SLC22A7: variants seen among roughly 807,000 people sequenced by gnomAD.
SLC22A7 encodes the protein hOAT2.
In SLC22A7, 48 loss-of-function variants were observed where a neutral mutation model predicts 62.2. That is an observed-to-expected ratio of 0.77 (90% CI 0.61 to 0.98). The LOEUF is 0.98. Among genes scored for constraint, SLC22A7 ranks in the 50% least tolerant of loss-of-function variants. SLC22A7 has a pLI of 0.00. For missense variants in SLC22A7, 581 were observed against 703.8 expected (o/e 0.83, Z 1.97); for synonymous variants, 276 against 314.8 (o/e 0.88, Z 1.30).
chr6:43,303,484 A>AAAT (rs57761051), intron 9 of SLC22A7, among the ~76,000 whole-genome samples: 13,918 of 147,830 alleles, frequency 0.094, 916 homozygotes, highest in African/African-American at 0.19. Context: ...GAAAAAAATT[A>AAAT]AATAATAATA....
chr6:43,304,612 C>A (rs1049790677), intron 10 of SLC22A7, 59 bp from the exon 11 acceptor site: 33 of 1,502,904 alleles, frequency 2.2e-5, no homozygotes, highest in Admixed American at 2.1e-4. Context: ...ATGGGGCAGG[C>A]TGGGGTGGTA....
Position 43,302,154 on chromosome 6 carries a change from G to A in SLC22A7, c.1062-46G>A, listed in dbSNP as rs1474231647. The A allele has an allele frequency of 1.3e-6, 2 of 1,489,508 alleles. No individual in the cohort carries two copies. Among genetic ancestry groups the A allele is most frequent in the Non-Finnish European group, 1.8e-6 (2 of 1,096,510 alleles). 92.3% of individuals were successfully genotyped at this position (1,489,508 alleles called of 1,614,324 possible). ...TCTTCCTGAGAAGAGAGGCCAAAGAGGGATGGGAAGGAGGGTCCGCCAAGT... is the reference window on the plus strand; with the variant it reads ...TCTTCCTGAGAAGAGAGGCCAAAGAAGGATGGGAAGGAGGGTCCGCCAAGT... On this transcript the variant is annotated intron_variant, in intron 7 of 10. Coordinates refer to ENST00000372585, the MANE Select transcript of SLC22A7 (RefSeq NM_153320.2). The surrounding 1 kb of genome is among the most constrained non-coding windows in gnomAD (Gnocchi z 5.0).
Position 43,299,325 on chromosome 6 carries a change from G to A in SLC22A7, c.400-65G>A. The A allele has an allele frequency of 6.2e-7, 1 of 1,609,712 alleles. No homozygotes were observed. The highest frequency in any genetic ancestry group is 8.5e-7 in the Non-Finnish European group (1 of 1,177,570). ...AGAAGGCTCCAGGGTCTGGAGAGGA[G>A]GAGCTGGTGCCTGCTGGAGAGGGGC... is the stretch of plus-strand genomic sequence containing the variant. On this transcript the variant is annotated intron_variant, in intron 2 of 10. Coordinates refer to ENST00000372585, the MANE Select transcript of SLC22A7 (RefSeq NM_153320.2). This position sits in a 1 kb window ranked among gnomAD's most constrained non-coding sequence, Gnocchi z 4.4.
At position 43,298,536 on chromosome 6, in the gene SLC22A7, C is replaced by G. The variant is rs1249300326; in HGVS notation, c.178C>G (p.His60Asp). Residue 60 changes from histidine to aspartate, a missense_variant, in exon 1 of 11, where the codon CAT (histidine) becomes GAT (aspartate). Coordinates refer to ENST00000372585, the MANE Select transcript of SLC22A7 (RefSeq NM_153320.2). ...ALPGAPANFS[H>D]QDVWLEAHLP... Reference sequence around the variant, plus strand: ...GCCGGGTGCCCCTGCCAACTTCAGCCATCAGGATGTGTGGCTGGAGGCCCA... The same window carrying G: ...GCCGGGTGCCCCTGCCAACTTCAGCGATCAGGATGTGTGGCTGGAGGCCCA... 1.2e-6 allele frequency: 2 copies of G among 1,613,678 alleles called. No homozygotes were observed. Among genetic ancestry groups the G allele is most frequent in the Non-Finnish European group, 1.7e-6 (2 of 1,180,046 alleles).
chr6:43,301,293 G>C (rs201070787), intron 6 of SLC22A7, 35 bp downstream of exon 6: 401 of 1,612,380 alleles, frequency 2.5e-4, no homozygotes, highest in Non-Finnish European at 3.0e-4. Flanking sequence ...ATGCATATAT[G>C]TGTGTGGTGG....
upstream of SLC22A7, among the ~76,000 whole-genome samples, chr6:43,296,170 G>T (rs1213825578): frequency 2.6e-5 from 4 of 152,228 alleles, no homozygotes; most frequent in Admixed American, 2.6e-4. Flanking sequence ...CTCCCAAAGT[G>T]CTGGGATTAC....
At position 43,299,075 on chromosome 6, in the gene SLC22A7, C is replaced by T. The variant is rs763399600; in HGVS notation, c.394-17C>T. 3.8e-6 allele frequency: 6 copies of T among 1,586,296 alleles called. No individual in the cohort carries two copies. In the African/African-American group the frequency reaches 5.4e-5, roughly 14 times the overall value. ...AGAAACAATAGAGGCCTTCTTTTCTCCCTTCCTCTTTTCCAGTCCCAGGTC... is the reference window on the plus strand; with the variant it reads ...AGAAACAATAGAGGCCTTCTTTTCTTCCTTCCTCTTTTCCAGTCCCAGGTC... On this transcript the variant is annotated splice_polypyrimidine_tract_variant and intron_variant, in intron 1 of 10. Coordinates refer to ENST00000372585, the MANE Select transcript of SLC22A7 (RefSeq NM_153320.2). The surrounding 1 kb of genome is among the most constrained non-coding windows in gnomAD (Gnocchi z 4.4).
At chr6:43,297,463 T>C, upstream of SLC22A7, among the ~76,000 whole-genome samples, 1 of 152,148 alleles carries the variant, frequency 6.6e-6, no homozygotes, top group Non-Finnish European at 1.5e-5. Context: ...GAGAATTGAG[T>C]GGGAGGGTCA....
rs1213757695 is a variant in SLC22A7 at position 43,302,315 on chromosome 6, G to A, written c.1177G>A (p.Val393Ile). The A allele has an allele frequency of 6.2e-7, 1 of 1,613,896 alleles. No individual in the cohort carries two copies. The highest frequency in any genetic ancestry group is 1.1e-5 in the South Asian group (1 of 91,068). ...GAVELPSKLL[V>I]YLSVRYAGRR... ...TGTGGAACTGCCCTCCAAGCTGCTG[G>A]TCTACTTGTCGGTGCGCTACGCAGG... Residue 393 changes from valine (V) to isoleucine (I), a missense_variant, in exon 8 of 11, where the codon GTC becomes ATC. Physicochemically the swap from Val to Ile is conservative, Grantham distance 29. Transcript: ENST00000372585. This position sits in a 1 kb window ranked among gnomAD's most constrained non-coding sequence, Gnocchi z 5.0.
At chr6:43,304,507 T>C (rs1391767404) in intron 10 of SLC22A7, 164 bp from the exon 11 acceptor site, 6 of 623,334 alleles carry the variant, frequency 9.6e-6, no homozygotes, top group East Asian at 2.9e-5. Flanking sequence ...CACTCAAGTA[T>C]GCCTACACAT....
In SLC22A7 at chr6:43,298,260, A is replaced by T; in HGVS notation, c.-99A>T. 9.2e-7 allele frequency: 1 copy of T among 1,085,968 alleles called. No homozygotes were observed. The highest frequency in any genetic ancestry group is 1.6e-5 in the South Asian group (1 of 62,016). 67.3% of individuals were successfully genotyped at this position (1,085,968 alleles called of 1,614,324 possible). ...TGGCTGCAGGCTCTCCAGTCCATCC[A>T]CTCCCACCTCCAGAGTCCAAGGGTC... On this transcript the variant is annotated 5_prime_UTR_variant, in exon 1 of 11. Coordinates refer to ENST00000372585, the MANE Select transcript of SLC22A7 (RefSeq NM_153320.2).
At position 43,305,266 on chromosome 6, in the gene SLC22A7, C is replaced by A; in HGVS notation, c.*541C>A. 1 of 176,982 alleles carries A rather than the reference C, an allele frequency of 5.7e-6. No homozygotes were observed. The highest frequency in any genetic ancestry group is 1.2e-5 in the Non-Finnish European group (1 of 85,296). 11.0% of individuals were successfully genotyped at this position (176,982 alleles called of 1,614,324 possible). A position where few individuals can be genotyped will look rare whatever the true frequency, so the allele number is the denominator to read the frequency against. ...GACTAGCATATGAGACTTCTGGTACCAATGGGGCTGGTGGGCATGCTGTCC... is the reference window on the plus strand; with the variant it reads ...GACTAGCATATGAGACTTCTGGTACAAATGGGGCTGGTGGGCATGCTGTCC... On this transcript the variant is annotated 3_prime_UTR_variant, in exon 11 of 11. Coordinates refer to ENST00000372585, the MANE Select transcript of SLC22A7 (RefSeq NM_153320.2).
At chr6:43,301,481 C>A in intron 6 of SLC22A7, 102 bp from the exon 7 acceptor site, 2 of 1,072,692 alleles carry the variant, frequency 1.9e-6, no homozygotes, top group Non-Finnish European at 2.8e-6. Flanking sequence ...ATCCCCACCA[C>A]TGCAGATGGG....
chr6:43,300,996 G>C, intron 5 of SLC22A7, 139 bp from the exon 6 acceptor site: 5 of 1,069,414 alleles, frequency 4.7e-6, no homozygotes, highest in Non-Finnish European at 6.8e-6. Context: ...AAGTGTGGAG[G>C]GCTTGGGGAG....
chr6:43,296,111 G>A (rs1475286417), upstream of SLC22A7, among the ~76,000 whole-genome samples: 2 of 152,110 alleles, frequency 1.3e-5, no homozygotes, highest in Non-Finnish European at 2.9e-5. Flanking sequence ...TGCCATGTTG[G>A]CCAGGCTGGT....
intron 9 of SLC22A7, chr6:43,303,006 A>G: frequency 1.7e-6 from 1 of 586,566 alleles, no homozygotes; most frequent in African/African-American, 2.0e-5. Flanking sequence ...GGCATGAGCC[A>G]CCGCACCCAG....
intron 10 of SLC22A7, chr6:43,304,450 A>G (rs4149178): frequency 0.18 from 103,515 of 588,666 alleles, 10,622 homozygotes; most frequent in African/African-American, 0.35. Context: ...ACATGAGTGT[A>G]TGAACACAAA....
rs533761840 is a variant in SLC22A7, at chr6:43,302,933, C to T, written c.1385+170C>T. 6.6e-6 allele frequency among the ~76,000 whole-genome samples: 1 copy of T among 152,186 alleles called. No homozygotes were observed. Among genetic ancestry groups the T allele is most frequent in the Admixed American group, 6.5e-5 (1 of 15,292 alleles). On this transcript the variant is annotated intron_variant, in intron 9 of 10. Transcript: ENST00000372585. The surrounding 1 kb of genome is among the most constrained non-coding windows in gnomAD (Gnocchi z 5.0). ...TATTACCCAGACTGGTCTCAAACTC[C>T]TGGTCTCAAGCGATCCTCCCGCCTC...
In SLC22A7 at chr6:43,298,430, G is replaced by T. The variant is rs754150144; in HGVS notation, c.72G>T (p.Leu24=). The T allele has an allele frequency of 6.2e-7, 1 of 1,614,078 alleles. No individual in the cohort carries two copies. Among genetic ancestry groups the T allele is most frequent in the South Asian group, 1.1e-5 (1 of 91,084 alleles). ...GPFQLRNVAL[L]ALPRVLLPLH... ...TCCAACTGCGGAATGTGGCACTGCT[G>T]GCCCTGCCCCGAGTGCTGCTACCAC... The change falls in exon 1 of 11, where the codon CTG becomes CTT. Residue 24 remains leucine (L), a synonymous_variant. Transcript: ENST00000372585.
Sources: gnomAD v4.1 joint callset for allele counts (sites outside exome capture counted in the v4.1 genomes callset) on GRCh38, gnomAD v4.1.1 for gene constraint, Gnocchi (gnomAD v3.1) non-coding constraint, MANE v1.5 for transcripts, NCBI Gene and HGNC (gene_info 2026-07-23, HGNC 2026-07-21) for gene names.